The following SLC25A37 variants were observed in gnomAD, a reference collection of about 807,000 sequenced individuals.
SLC25A37 encodes solute carrier family 25 member 37, also known as mitoferrin-1.
SLC25A37 carries 17 observed loss-of-function variants against 31.0 expected under a neutral mutation model. The observed-to-expected ratio is 0.55, with a 90% confidence interval of 0.38 to 0.82. SLC25A37 has a LOEUF of 0.82. SLC25A37 is among the 40% of genes least tolerant of loss of function. SLC25A37 has a pLI of 0.00. For synonymous variants in SLC25A37, 222 were observed against 193.0 expected (o/e 1.15, Z -1.24); for missense variants, 404 against 465.8 (o/e 0.87, Z 1.22).
rs1174083777 is a variant in SLC25A37, at chr8:23,529,885, C to T, written c.210+673C>T. ...GGGAGGCAATGACGTTTGCCTTCTC[C>T]TTTTGCTTGCGGGGAGGTGGGTGGG... On this transcript the variant is annotated intron_variant, in intron 1 of 3. Transcript: ENST00000519973. This position sits in a 1 kb window ranked among gnomAD's most constrained non-coding sequence, Gnocchi z 4.1. 6.6e-6 allele frequency among the ~76,000 whole-genome samples: 1 copy of T among 152,142 alleles called. No individual in the cohort carries two copies. The highest frequency in any genetic ancestry group is 1.5e-5 in the Non-Finnish European group (1 of 68,020).
In SLC25A37 at chr8:23,574,328, T is replaced by G. The variant is rs188284820; in HGVS notation, c.*2473T>G. On this transcript the variant is annotated 3_prime_UTR_variant, in exon 4 of 4. Coordinates refer to ENST00000519973, the MANE Select transcript of SLC25A37 (RefSeq NM_016612.4). ...AAAAATACAAAAAATTAGCTGGGCA[T>G]GGTGGCAGGCACCTGTAATCCCAGT... is the stretch of plus-strand genomic sequence containing the variant. 3.6e-3 allele frequency: 566 copies of G among 155,614 alleles called. 2 individuals are homozygous for G. The highest frequency in any genetic ancestry group is 0.013 in the African/African-American group (529 of 41,630). The allele number at this position is 155,614 out of a possible 1,614,324, so 9.6% of individuals were successfully genotyped here.
chr8:23,550,897 T>G (rs937088823), intron 1 of SLC25A37, among the ~76,000 whole-genome samples: 11 of 152,230 alleles, frequency 7.2e-5, no homozygotes, highest in African/African-American at 2.4e-4. Context: ...CATGGGCTTC[T>G]TGGTGCCCAG....
chr8:23,559,373 G>GCA (rs1802453970), intron 1 of SLC25A37, among the ~76,000 whole-genome samples: 1 of 151,616 alleles, frequency 6.6e-6, no homozygotes, highest in South Asian at 2.1e-4. Context: ...GCGCGCGCGC[G>GCA]TGTGTGTGTT....
chr8:23,538,522 C>CGTGTGTGT (rs202005751), intron 1 of SLC25A37, among the ~76,000 whole-genome samples: 8 of 108,934 alleles, frequency 7.3e-5, no homozygotes, highest in African/African-American at 2.9e-4. Flanking sequence ...CGTTGTTTGT[C>CGTGTGTGT]GTGTGTGTGT....
intron 1 of SLC25A37, among the ~76,000 whole-genome samples, chr8:23,548,652 T>A (rs1037294717): frequency 2.6e-5 from 4 of 151,978 alleles, no homozygotes; most frequent in Non-Finnish European, 5.9e-5. Context: ...ATAGTTTTAG[T>A]AGACACTGGG....
At chr8:23,534,875 G>A (rs1406350263) in intron 1 of SLC25A37, among the ~76,000 whole-genome samples, 2 of 152,102 alleles carry the variant, frequency 1.3e-5, no homozygotes, top group East Asian at 3.9e-4. Flanking sequence ...CAGCATGATT[G>A]CCATCACTTT....
At position 23,529,069 on chromosome 8, in the gene SLC25A37, G is replaced by A. The variant is rs1307719501; in HGVS notation, c.67G>A (p.Asp23Asn). ...VARRMDGDSRDGGGGKDATGS... is the reference protein window; with the variant it reads ...VARRMDGDSRNGGGGKDATGS... ...GCGGAGGATGGATGGGGACAGCCGAGATGGCGGCGGCGGCAAGGACGCCAC... is the reference window on the plus strand; with the variant it reads ...GCGGAGGATGGATGGGGACAGCCGAAATGGCGGCGGCGGCAAGGACGCCAC... The change falls in exon 1 of 4, where the codon GAT (aspartate) becomes AAT (asparagine). Residue 23 changes from aspartate (D) to asparagine (N), a missense_variant. Physicochemically the swap from Asp to Asn is conservative, Grantham distance 23. Around this residue, in one of 3 missense-constraint regions of SLC25A37, gnomAD observed 154 missense variants for 153.6 expected, o/e 1.00. Transcript: ENST00000519973. The surrounding 1 kb of genome is among the most constrained non-coding windows in gnomAD (Gnocchi z 4.1). The A allele has an allele frequency of 6.3e-7, 1 of 1,593,322 alleles. No homozygotes were observed. Among genetic ancestry groups the A allele is most frequent in the Non-Finnish European group, 8.5e-7 (1 of 1,171,174 alleles).
intron 1 of SLC25A37, among the ~76,000 whole-genome samples, chr8:23,546,927 G>C (rs990403642): frequency 6.6e-6 from 1 of 152,056 alleles, no homozygotes; most frequent in Non-Finnish European, 1.5e-5. Context: ...GGTGGTGGCA[G>C]GTTCCGTTTA....
At chr8:23,540,682 G>A (rs935850259) in intron 1 of SLC25A37, among the ~76,000 whole-genome samples, 1 of 152,162 alleles carries the variant, frequency 6.6e-6, no homozygotes, top group African/African-American at 2.4e-5. Flanking sequence ...CGGACTAGTC[G>A]TGAAGATTCC....
intron 1 of SLC25A37, among the ~76,000 whole-genome samples, chr8:23,546,562 A>G (rs1433556570): frequency 1.7e-4 from 16 of 93,406 alleles, no homozygotes; most frequent in African/African-American, 6.5e-4. Flanking sequence ...TAGTGTATAT[A>G]TATATATATA....
chr8:23,559,796 A>C (rs1802466988), intron 1 of SLC25A37, among the ~76,000 whole-genome samples: 1 of 152,218 alleles, frequency 6.6e-6, no homozygotes, highest in Non-Finnish European at 1.5e-5. Flanking sequence ...TGCTGTTGTC[A>C]AGAACTATCT....
chr8:23,546,589 ATATATATAGTG>A (rs1802067997), intron 1 of SLC25A37, among the ~76,000 whole-genome samples: 3 of 70,390 alleles, frequency 4.3e-5, no homozygotes, highest in Non-Finnish European at 4.8e-5. Flanking sequence ...TATAGTGTAT[ATATATATAGTG>A]TATGTGTGTG....
intron 1 of SLC25A37, among the ~76,000 whole-genome samples, chr8:23,551,419 G>T (rs1802221797): frequency 2.0e-5 from 3 of 152,084 alleles, no homozygotes; most frequent in Admixed American, 2.0e-4. Flanking sequence ...GAAGGGAAGG[G>T]CTGCTCAGGT....
chr8:23,544,573 T>C (rs1359560508), intron 1 of SLC25A37, among the ~76,000 whole-genome samples: 1 of 152,056 alleles, frequency 6.6e-6, no homozygotes, highest in Non-Finnish European at 1.5e-5. Context: ...ATGAGCTCAG[T>C]CTTCAGGGAT....
rs773081183 is a variant in SLC25A37, at chr8:23,566,188, C to G, written c.291C>G (p.Thr97=). The change falls in exon 2 of 4, where the codon ACC becomes ACG. Residue 97 remains threonine, a synonymous_variant. Coordinates refer to ENST00000519973, the MANE Select transcript of SLC25A37 (RefSeq NM_016612.4). Reference sequence around the variant, plus strand: ...GAGCCCTCAAGAAAATCATGCGGACCGAAGGCTTCTGGAGGCCCTTGCGAG... The same window carrying G: ...GAGCCCTCAAGAAAATCATGCGGACGGAAGGCTTCTGGAGGCCCTTGCGAG... ...IYGALKKIMR[T]EGFWRPLRGV... 3 of 1,605,976 alleles carry G rather than the reference C, an allele frequency of 1.9e-6. No homozygotes were observed. The Admixed American group carries it at 5.2e-5, about 28-fold the overall frequency.
intron 1 of SLC25A37, among the ~76,000 whole-genome samples, chr8:23,538,522 CGTGTGTGT>C (rs202005751): frequency 9.2e-6 from 1 of 108,934 alleles, no homozygotes; most frequent in East Asian, 2.7e-4. Context: ...CGTTGTTTGT[CGTGTGTGT>C]GTGTGTGTGT....
chr8:23,539,370 G>A (rs896730647), intron 1 of SLC25A37, among the ~76,000 whole-genome samples: 2 of 152,288 alleles, frequency 1.3e-5, no homozygotes, highest in South Asian at 2.1e-4. Flanking sequence ...GTTCTGGCTG[G>A]CCACGTGGTC....
intron 1 of SLC25A37, among the ~76,000 whole-genome samples, chr8:23,558,787 C>T (rs558316090): frequency 4.3e-4 from 65 of 152,266 alleles, no homozygotes; most frequent in Non-Finnish European, 6.6e-4. Context: ...TCTCTTGATT[C>T]CCCGGGCAGG....
chr8:23,545,941 C>T (rs781675567), intron 1 of SLC25A37, among the ~76,000 whole-genome samples: 1 of 152,152 alleles, frequency 6.6e-6, no homozygotes, highest in Non-Finnish European at 1.5e-5. Flanking sequence ...TTGAGACCAG[C>T]CTGGCCAACA....
Sources: gnomAD v4.1 joint callset for allele counts (sites outside exome capture counted in the v4.1 genomes callset) on GRCh38, gnomAD v4.1.1 for gene constraint, gnomAD v4.1.1 regional missense constraint, Gnocchi (gnomAD v3.1) non-coding constraint, MANE v1.5 for transcripts, NCBI Gene and HGNC (gene_info 2026-07-23, HGNC 2026-07-21) for gene names.